Variants in PIK3CB observed in about 807,000 individuals in gnomAD.
The protein encoded by PIK3CB is phosphatidylinositol-4,5-bisphosphate 3-kinase catalytic subunit beta.
Under a neutral mutation model 136.8 loss-of-function variants are expected in PIK3CB, and 39 were observed. The observed-to-expected ratio is 0.29, with a 90% CI of 0.22 to 0.37. The LOEUF (loss-of-function observed/expected upper bound fraction) is 0.37. PIK3CB is among the 10% of genes least tolerant of loss of function. The pLI, the probability that PIK3CB is intolerant of heterozygous loss-of-function variation, is 1.00. For missense variants in PIK3CB, 868 were observed against 1,275.4 expected, an observed-to-expected ratio of 0.68 and a Z score of 4.87; for synonymous variants, 428 against 436.6, an observed-to-expected ratio of 0.98 and a Z score of 0.25.
intron 16 of PIK3CB, among the ~76,000 whole-genome samples, chr3:138,686,000 G>A (rs1013151505): frequency 2.6e-5 from 4 of 151,910 alleles, no homozygotes; most frequent in Admixed American, 6.6e-5. Context: ...AGCCAGACAC[G>A]GTGGTGTGCA....
intron 1 of PIK3CB, among the ~76,000 whole-genome samples, chr3:138,830,041 A>G (rs1400613162): frequency 6.6e-6 from 1 of 152,184 alleles, no homozygotes; most frequent in Non-Finnish European, 1.5e-5. Context: ...GAGATCATTC[A>G]GAAAGAATAC....
chr3:138,796,926 A>T (rs1376073491), intron 1 of PIK3CB: 1 of 152,278 alleles, frequency 6.6e-6, no homozygotes, highest in Non-Finnish European at 1.5e-5. Flanking sequence ...GGCCAAAAAC[A>T]CACTGCTGAA....
At chr3:138,656,536 A>G (rs1053441923) in intron 22 of PIK3CB, among the ~76,000 whole-genome samples, 3 of 152,242 alleles carry the variant, frequency 2.0e-5, no homozygotes, top group African/African-American at 7.2e-5. Context: ...AGGCTATTAC[A>G]TTTTTAATAA....
intron 8 of PIK3CB, among the ~76,000 whole-genome samples, chr3:138,732,440 G>A (rs1313853910): frequency 6.6e-6 from 1 of 151,988 alleles, no homozygotes; most frequent in Non-Finnish European, 1.5e-5. Context: ...TTTTGGCAAG[G>A]GGCTCCTGAA....
chr3:138,721,325 G>T (rs2044722844), intron 8 of PIK3CB, among the ~76,000 whole-genome samples: 1 of 152,030 alleles, frequency 6.6e-6, no homozygotes, highest in South Asian at 2.1e-4. Context: ...ACCACACCTG[G>T]CTAATTTTTT....
chr3:138,686,881 C>A (rs1019206867), intron 16 of PIK3CB, among the ~76,000 whole-genome samples: 2 of 152,128 alleles, frequency 1.3e-5, no homozygotes, highest in Non-Finnish European at 2.9e-5. Flanking sequence ...CTGAAACTTA[C>A]CAAGTTAGCC....
At chr3:138,736,573 T>C (rs1461516243) in intron 6 of PIK3CB, among the ~76,000 whole-genome samples, 2 of 152,190 alleles carry the variant, frequency 1.3e-5, no homozygotes, top group Non-Finnish European at 2.9e-5. Context: ...AACAAAAACA[T>C]CTTCAAGTTA....
chr3:138,824,048 T>G lies in PIK3CB; in HGVS notation c.-122+10647A>C, dbSNP rs534874319. Among the ~76,000 whole-genome samples the G allele has an allele frequency of 1.4e-4, 22 of 152,266 alleles. No individual in the cohort carries two copies. The East Asian group carries it at 3.5e-3, about 24-fold the overall frequency. ...TCTCAACTTCACAACTGCCATTACT[T>G]CTAAGTGGCAGGAGAAGAAGATAAA... is the stretch of plus-strand genomic sequence containing the variant. On this transcript the variant is annotated intron_variant, in intron 1 of 23. Transcript: ENST00000674063.
chr3:138,789,096 A>G (rs1352063385), intron 2 of PIK3CB, among the ~76,000 whole-genome samples: 1 of 151,892 alleles, frequency 6.6e-6, no homozygotes, highest in African/African-American at 2.4e-5. Flanking sequence ...ATAAAATGGT[A>G]TAGCCAGTAT....
rs577346465 is a variant in PIK3CB at position 138,653,772 on chromosome 3, A to G, written c.*1617T>C. 6 of 192,644 alleles carry G rather than the reference A, an allele frequency of 3.1e-5. No homozygotes were observed. Among genetic ancestry groups the G allele is most frequent in the African/African-American group, 1.4e-4 (6 of 43,090 alleles). 11.9% of individuals were successfully genotyped at this position (192,644 alleles called of 1,614,324 possible). On this transcript the variant is annotated 3_prime_UTR_variant, in exon 24 of 24. Transcript: ENST00000674063. ...AGAGTCTGGCCTTGGCTCAGTGCCA[A>G]GTAACTACCCAGACTTCAGGACACC...
intron 2 of PIK3CB, among the ~76,000 whole-genome samples, chr3:138,762,685 AGGGT>A (rs1434120045): frequency 1.3e-5 from 2 of 152,188 alleles, no homozygotes; most frequent in Admixed American, 6.5e-5. Context: ...AGGGCCAGGT[AGGGT>A]GGCTCAGCCT....
intron 8 of PIK3CB, among the ~76,000 whole-genome samples, chr3:138,731,874 T>G (rs369385503): frequency 2.6e-4 from 40 of 151,382 alleles, no homozygotes; most frequent in African/African-American, 9.2e-4. Context: ...TCCCAGTTAC[T>G]GGGGAGGCTA....
intron 12 of PIK3CB, 102 bp from the exon 13 acceptor site, chr3:138,699,197 A>G: frequency 2.9e-6 from 1 of 344,026 alleles, no homozygotes; most frequent in Non-Finnish European, 5.0e-6. Context: ...GAACCTAAGT[A>G]TGTGAGATAC....
intron 4 of PIK3CB, among the ~76,000 whole-genome samples, 157 bp from the exon 5 acceptor site, chr3:138,742,938 C>A (rs534146798): frequency 4.6e-5 from 7 of 152,054 alleles, no homozygotes; most frequent in South Asian, 4.1e-4. Flanking sequence ...CATTAAAGAT[C>A]AAAAAACCCA....
intron 6 of PIK3CB, among the ~76,000 whole-genome samples, chr3:138,736,780 C>G (rs2045115109): frequency 6.6e-6 from 1 of 152,106 alleles, no homozygotes; most frequent in African/African-American, 2.4e-5. Context: ...TTAATAAAGG[C>G]TTTTGAGAAT....
In PIK3CB at chr3:138,827,309, C is replaced by T. The variant is rs192817159; in HGVS notation, c.-122+7386G>A. On this transcript the variant is annotated intron_variant, in intron 1 of 23. Coordinates refer to ENST00000674063, the MANE Select transcript of PIK3CB (RefSeq NM_006219.3). ...TCATTAATTGCTTAATGTCTAAAGG[C>T]TTGGTCTTTTCAGGGGTAGAGCACC... 1.1e-3 allele frequency among the ~76,000 whole-genome samples: 172 copies of T among 152,186 alleles called. 1 individual carries two copies. The highest frequency in any genetic ancestry group is 4.1e-3 in the African/African-American group (169 of 41,522).
At chr3:138,660,136 T>TA (rs1318053559) in intron 21 of PIK3CB, among the ~76,000 whole-genome samples, 20 of 152,176 alleles carry the variant, frequency 1.3e-4, no homozygotes, top group African/African-American at 4.1e-4. Flanking sequence ...CTGCCAGGGT[T>TA]AAAATCCTGA....
intron 2 of PIK3CB, among the ~76,000 whole-genome samples, chr3:138,786,572 C>T (rs923944603): frequency 2.6e-5 from 4 of 152,018 alleles, no homozygotes; most frequent in Non-Finnish European, 5.9e-5. Flanking sequence ...TCTCGAACTC[C>T]TCACCTCAGG....
Position 138,694,847 on chromosome 3 carries a change from C to T in PIK3CB, c.1831G>A (p.Asp611Asn), listed in dbSNP as rs2044101403. ...ACGTACTGGTCTGGATAGTTGAAAT[C>T]CAGAAGCTCTAGGGCCTCCCGGGGG... is the stretch of plus-strand genomic sequence containing the variant. ...LPPREALELL[D>N]FNYPDQYVRE... Residue 611 changes from aspartate (D) to asparagine (N), a missense_variant, in exon 14 of 24, where the codon GAT becomes AAT. Asp to Asn is a conservative substitution (Grantham distance 23). Around this residue, in one of 4 missense-constraint regions of PIK3CB, gnomAD observed 612 missense variants for 801.1 expected, o/e 0.76. Coordinates refer to ENST00000674063, the MANE Select transcript of PIK3CB (RefSeq NM_006219.3). 6.2e-7 allele frequency: 1 copy of T among 1,613,286 alleles called. No homozygotes were observed. The highest frequency in any genetic ancestry group is 1.3e-5 in the African/African-American group (1 of 74,886).
Sources: allele counts gnomAD v4.1 joint callset (sites outside exome capture counted in the v4.1 genomes callset), GRCh38; gene constraint gnomAD v4.1.1; regional missense constraint gnomAD v4.1.1; transcripts MANE v1.5; gene names NCBI Gene and HGNC (gene_info 2026-07-23, HGNC 2026-07-21).